DPP6: variants seen among roughly 807,000 people sequenced by gnomAD.
DPP6 encodes A-type potassium channel modulatory protein DPP6.
In DPP6, 69 loss-of-function variants were observed where a neutral mutation model predicts 122.6. The ratio of observed to expected loss-of-function variants is 0.56; its 90% CI spans 0.46 to 0.69. DPP6 has a LOEUF of 0.69. Ranked by LOEUF, DPP6 falls within the 30% of genes least tolerant of loss-of-function variation. The pLI is 0.00. For synonymous variants in DPP6, 418 were observed against 433.1 expected, an observed-to-expected ratio of 0.97 and a Z score of 0.43; for missense variants, 928 against 1,116.9, an observed-to-expected ratio of 0.83 and a Z score of 2.41.
chr7:154,608,847 A>G lies in DPP6; in HGVS notation c.628-28974A>G, dbSNP rs1481892376. Among the ~76,000 whole-genome samples, 4 of 152,190 alleles carry G rather than the reference A, an allele frequency of 2.6e-5. No individual in the cohort carries two copies. The East Asian group carries it at 7.7e-4, about 29-fold the overall frequency. On this transcript the variant is annotated intron_variant, in intron 5 of 25. Coordinates refer to ENST00000377770, the MANE Select transcript of DPP6 (RefSeq NM_130797.4). ...CTCCCTTCTGAATTTGGTCACCTTT[A>G]GGAGTCATCTCCGTGAATATCTGTG... is the stretch of plus-strand genomic sequence containing the variant.
chr7:154,335,936 G>A (rs1809378256), intron 1 of DPP6, among the ~76,000 whole-genome samples: 1 of 152,086 alleles, frequency 6.6e-6, no homozygotes, highest in African/African-American at 2.4e-5. Flanking sequence ...GGGGTTGCAA[G>A]ACATCCTGAA....
At chr7:154,173,475 C>T (rs4726381) in intron 1 of DPP6, among the ~76,000 whole-genome samples, 123,783 of 152,080 alleles carry the variant, frequency 0.81, 50,818 homozygotes, top group East Asian at 1. Flanking sequence ...TTCCCTTTCA[C>T]CCTAACAAGG....
chr7:154,554,649 A>G (rs2130411320), intron 4 of DPP6, among the ~76,000 whole-genome samples: 1 of 152,308 alleles, frequency 6.6e-6, no homozygotes, highest in East Asian at 1.9e-4. Flanking sequence ...CAATATTTTT[A>G]AAGTCAGCAT....
chr7:154,880,521 G>A (rs750945585), intron 20 of DPP6, among the ~76,000 whole-genome samples: 4 of 152,184 alleles, frequency 2.6e-5, no homozygotes, highest in South Asian at 2.1e-4. Context: ...CCCAGAGCCC[G>A]CGTGCTTGGA....
rs1185574053 is a variant in DPP6, at chr7:154,745,211, G to T, written c.883+17324G>T. Among the ~76,000 whole-genome samples, 14 of 152,294 alleles carry T rather than the reference G, an allele frequency of 9.2e-5. No individual in the cohort carries two copies. The South Asian group carries it at 1.0e-3, about 11-fold the overall frequency. On this transcript the variant is annotated intron_variant, in intron 8 of 25. Transcript: ENST00000377770. ...CCTGTCCTGTGATCCTGAGAAAATG[G>T]CTTGGTCTCCTCATCCTGGAGGTCT...
At chr7:154,434,252 G>A (rs943456218) in intron 1 of DPP6, among the ~76,000 whole-genome samples, 32 of 152,260 alleles carry the variant, frequency 2.1e-4, no homozygotes, top group African/African-American at 7.2e-4. Context: ...GTTTCAGGTA[G>A]AAATTATTTG....
intron 1 of DPP6, among the ~76,000 whole-genome samples, chr7:153,911,342 AC>A (rs1446995733): frequency 1.3e-5 from 2 of 152,092 alleles, no homozygotes; most frequent in Non-Finnish European, 2.9e-5. Context: ...CTCGCTGTCC[AC>A]ACCCTTTCCT....
intron 1 of DPP6, among the ~76,000 whole-genome samples, chr7:154,380,170 T>C (rs1284880546): frequency 6.6e-6 from 1 of 152,084 alleles, no homozygotes; most frequent in East Asian, 1.9e-4. Context: ...TTGAAAAAAT[T>C]GGGGAATTTG....
the DPP6 span, among the ~76,000 whole-genome samples, chr7:153,773,611 C>A: frequency 8.3e-6 from 1 of 120,484 alleles, no homozygotes. Flanking sequence ...TCTAAATAAC[C>A]TGCATGTCAA....
chr7:154,727,515 C>A (rs182917846), intron 7 of DPP6, among the ~76,000 whole-genome samples: 1 of 152,150 alleles, frequency 6.6e-6, no homozygotes, highest in African/African-American at 2.4e-5. Flanking sequence ...AAGTATCAGA[C>A]CACAAATTGT....
chr7:154,673,883 T>TC (rs1563089180), intron 7 of DPP6, among the ~76,000 whole-genome samples: 1 of 112,358 alleles, frequency 8.9e-6, no homozygotes, highest in East Asian at 2.1e-4. Context: ...GTTTCTTTCT[T>TC]TTTTTTTTTT....
At chr7:154,850,416 G>A (rs1802276440) in intron 16 of DPP6, among the ~76,000 whole-genome samples, 1 of 152,086 alleles carries the variant, frequency 6.6e-6, no homozygotes, top group South Asian at 2.1e-4. Context: ...GCGGGGGTGG[G>A]GGAGTTTGGT....
chr7:154,012,390 AC>A (rs1256342388), intron 1 of DPP6, among the ~76,000 whole-genome samples: 1 of 152,266 alleles, frequency 6.6e-6, no homozygotes, highest in Admixed American at 6.5e-5. Context: ...GGAAGACAAT[AC>A]TTAGCTTGGA....
intron 1 of DPP6, among the ~76,000 whole-genome samples, chr7:154,061,714 C>CCT (rs1563154325): frequency 1.5e-4 from 12 of 81,948 alleles, no homozygotes; most frequent in East Asian, 4.9e-4. Context: ...GAGGCAATCC[C>CCT]CGCGAGGCGG....
chr7:154,239,993 A>G (rs1230621072), intron 1 of DPP6, among the ~76,000 whole-genome samples: 1 of 1,378 alleles, frequency 7.3e-4, no homozygotes, highest in East Asian at 0.062. Context: ...TGCTGTCTTT[A>G]AAAAAAAAAA....
intron 5 of DPP6, among the ~76,000 whole-genome samples, chr7:154,622,157 G>A (rs1433967514): frequency 1.3e-5 from 2 of 152,086 alleles, no homozygotes; most frequent in Non-Finnish European, 2.9e-5. Context: ...TAGCCCAGTT[G>A]GTCTGGTGAT....
intron 2 of DPP6, among the ~76,000 whole-genome samples, chr7:154,459,477 G>A (rs1192129440): frequency 6.6e-6 from 1 of 152,112 alleles, no homozygotes; most frequent in African/African-American, 2.4e-5. Context: ...TTTATGATCA[G>A]AACATGATTT....
the DPP6 span, among the ~76,000 whole-genome samples, chr7:153,859,669 G>A: frequency 5.5e-3 from 836 of 152,260 alleles, 10 homozygotes; most frequent in Non-Finnish European, 9.1e-3. Context: ...CCGTTCCTAC[G>A]CTGCTATGAA....
intron 7 of DPP6, among the ~76,000 whole-genome samples, chr7:154,692,591 G>A (rs1057104964): frequency 6.6e-6 from 1 of 152,074 alleles, no homozygotes; most frequent in Non-Finnish European, 1.5e-5. Flanking sequence ...AAGGTGTTGC[G>A]GGGACATCCT....
Sources: gnomAD v4.1 joint callset for allele counts (sites outside exome capture counted in the v4.1 genomes callset) on GRCh38, gnomAD v4.1.1 for gene constraint, MANE v1.5 for transcripts, NCBI Gene and HGNC (gene_info 2026-07-23, HGNC 2026-07-21) for gene names.